The following LNPEP variants were observed in gnomAD, a reference collection of about 807,000 sequenced individuals.
LNPEP encodes the protein leucyl-cystinyl aminopeptidase.
Under a neutral mutation model 120.6 loss-of-function variants are expected in LNPEP, and 64 were observed. The observed-to-expected ratio is 0.53, with a 90% CI of 0.43 to 0.65. The LOEUF is 0.65. Among genes scored for constraint, LNPEP ranks in the 30% least tolerant of loss-of-function variants. The pLI is 0.00. For synonymous variants in LNPEP, 435 were observed against 425.4 expected (o/e 1.02, Z -0.28); for missense variants, 1,057 against 1,200.0 (o/e 0.88, Z 1.76).
In LNPEP at chr5:96,936,162, C is replaced by T. The variant is rs1421497599; in HGVS notation, c.7C>T (p.Pro3Ser). The T allele has an allele frequency of 1.3e-6, 2 of 1,494,834 alleles. No homozygotes were observed. The highest frequency in any genetic ancestry group is 1.8e-6 in the Non-Finnish European group (2 of 1,123,562). 92.6% of individuals were successfully genotyped at this position (1,494,834 alleles called of 1,614,324 possible). Reference sequence around the variant, plus strand: ...GAGCCGCGGCGGGGGGAAAATGGAGCCCTTCACCAATGGTGAGTGGGCTGC... The same window carrying T: ...GAGCCGCGGCGGGGGGAAAATGGAGTCCTTCACCAATGGTGAGTGGGCTGC... MEPFTNDRLQLPR... is the reference protein window; with the variant it reads MESFTNDRLQLPR... The change falls in exon 1 of 18, where the codon CCC becomes TCC. Residue 3 changes from proline (P) to serine (S), a missense_variant. Pro to Ser is a moderately conservative substitution (Grantham distance 74, BLOSUM62 -1). Coordinates refer to ENST00000231368, the MANE Select transcript of LNPEP (RefSeq NM_005575.3).
At chr5:96,958,703 CT>C in intron 1 of LNPEP, 1 of 161,924 alleles carries the variant, frequency 6.2e-6, no homozygotes, top group Non-Finnish European at 1.3e-5. Flanking sequence ...ATTTCCTGCA[CT>C]TTTTTGGCTT....
At chr5:97,010,339 A>G (rs1367168161) in intron 11 of LNPEP, 1 of 982,428 alleles carries the variant, frequency 1.0e-6, no homozygotes, top group Non-Finnish European at 1.2e-6. Context: ...AGTTAAAGAT[A>G]TGTCATTGGA....
At chr5:96,977,681 T>C (rs1790032647) in intron 1 of LNPEP, among the ~76,000 whole-genome samples, 1 of 152,176 alleles carries the variant, frequency 6.6e-6, no homozygotes, top group Non-Finnish European at 1.5e-5. Context: ...ATAATATGTT[T>C]TATGGATGAA....
At position 97,028,445 on chromosome 5, in the gene LNPEP, T is replaced by C; in HGVS notation, c.2990T>C (p.Leu997Pro). 2 of 1,613,976 alleles carry C rather than the reference T, an allele frequency of 1.2e-6. No individual in the cohort carries two copies. Among genetic ancestry groups the C allele is most frequent in the South Asian group, 2.2e-5 (2 of 91,088 alleles). Residue 997 changes from leucine (L) to proline (P), a missense_variant, in exon 18 of 18, where the codon CTT becomes CCT. Coordinates refer to ENST00000231368, the MANE Select transcript of LNPEP (RefSeq NM_005575.3). ...AATCAGTCAGAGGCAACCTTCCGGC[T>C]TCGTTGTGTCCAGGAGGCTTTGGAA... ...FENQSEATFRLRCVQEALEVI... is the reference protein window; with the variant it reads ...FENQSEATFRPRCVQEALEVI...
Position 96,993,003 on chromosome 5 carries a change from GT to G in LNPEP, c.1132-8del. ...TACCTGTCCTTGCATCATACATAAT[GT>G]TTTCCTTTAGGTTTCTATATATGCT... On this transcript the variant is annotated splice_polypyrimidine_tract_variant and intron_variant, in intron 4 of 17. Transcript: ENST00000231368. The G allele has an allele frequency of 6.4e-7, 1 of 1,566,520 alleles. No homozygotes were observed. Among genetic ancestry groups the G allele is most frequent in the African/African-American group, 1.4e-5 (1 of 72,826 alleles).
chr5:96,986,725 C>T (rs1790253343), intron 4 of LNPEP, 55 bp downstream of exon 4: 5 of 1,534,496 alleles, frequency 3.3e-6, no homozygotes, highest in Non-Finnish European at 4.5e-6. Context: ...CTCAGAGGAC[C>T]TCTTGCTTTA....
In LNPEP at chr5:96,986,478, T is replaced by C. The variant is rs1008004621; in HGVS notation, c.1000-61T>C. ...CTATTTGAATTTTCAGTTTCTCAGT[T>C]TGTTTGTTATTGCCATTTATTCCTA... On this transcript the variant is annotated intron_variant, in intron 3 of 17. Coordinates refer to ENST00000231368, the MANE Select transcript of LNPEP (RefSeq NM_005575.3). The C allele has an allele frequency of 4.7e-6, 7 of 1,494,676 alleles. No individual in the cohort carries two copies. In the East Asian group the frequency reaches 1.6e-4, roughly 34 times the overall value. 92.6% of individuals were successfully genotyped at this position (1,494,676 alleles called of 1,614,324 possible).
intron 1 of LNPEP, among the ~76,000 whole-genome samples, chr5:96,967,262 A>G (rs1789750136): frequency 6.6e-6 from 1 of 152,042 alleles, no homozygotes; most frequent in Admixed American, 6.6e-5. Context: ...ACACAGTAAA[A>G]CTCAACGTAC....
chr5:96,952,724 A>AT (rs1409275112), intron 1 of LNPEP, among the ~76,000 whole-genome samples: 14 of 151,980 alleles, frequency 9.2e-5, no homozygotes, highest in Admixed American at 8.5e-4. Context: ...TTTTATCCCC[A>AT]TTTTTTTTGT....
chr5:96,954,745 T>TATATACACAC (rs1461179333), intron 1 of LNPEP, among the ~76,000 whole-genome samples: 1 of 47,904 alleles, frequency 2.1e-5, no homozygotes, highest in Non-Finnish European at 4.7e-5. Context: ...CATATATATA[T>TATATACACAC]ACACATATAT....
intron 1 of LNPEP, among the ~76,000 whole-genome samples, chr5:96,965,502 A>T (rs1003128112): frequency 6.6e-6 from 1 of 152,246 alleles, no homozygotes; most frequent in African/African-American, 2.4e-5. Context: ...TCTGATACAT[A>T]ACTCAGTTTT....
intron 1 of LNPEP, among the ~76,000 whole-genome samples, chr5:96,966,511 TGTGTGTGTGTG>T (rs1789727029): frequency 7.6e-5 from 1 of 13,214 alleles, no homozygotes; most frequent in African/African-American, 1.3e-4. Flanking sequence ...CATATATTTG[TGTGTGTGTGTG>T]TGTGTGTGTG....
chr5:96,986,703 T>C, intron 4 of LNPEP, 33 bp downstream of exon 4: 1 of 1,609,228 alleles, frequency 6.2e-7, no homozygotes, highest in Non-Finnish European at 8.5e-7. Context: ...TGAAAGCCTG[T>C]GTCACAAGAG....
intron 6 of LNPEP, among the ~76,000 whole-genome samples, chr5:96,995,534 T>C (rs940165227): frequency 2.0e-5 from 3 of 152,074 alleles, no homozygotes; most frequent in African/African-American, 7.2e-5. Context: ...ATCTTTTTTT[T>C]TTTGTTTTTA....
rs916768461 is a variant in LNPEP, at chr5:96,952,342, G to T, written c.19+16168G>T. ...TGTACACTCATGAGAGAAGTGGAGT[G>T]AAAATGGCATATAACATATTATGAT... On this transcript the variant is annotated intron_variant, in intron 1 of 17. Coordinates refer to ENST00000231368, the MANE Select transcript of LNPEP (RefSeq NM_005575.3). Among the ~76,000 whole-genome samples, 10 of 152,322 alleles carry T rather than the reference G, an allele frequency of 6.6e-5. No individual in the cohort carries two copies. The South Asian group carries it at 2.1e-3, about 32-fold the overall frequency.
At position 96,993,218 on chromosome 5, in the gene LNPEP, C is replaced by T. The variant is rs145101034; in HGVS notation, c.1252+83C>T. ...TGAATTTTTTTAGAAAGAGGTTCTG[C>T]CCAAGTTGTTTGCAGAGAAAACCAA... On this transcript the variant is annotated intron_variant, in intron 5 of 17. Transcript: ENST00000231368. 912 of 1,055,892 alleles carry T rather than the reference C, an allele frequency of 8.6e-4. 11 individuals carry two copies. The Admixed American group carries it at 0.016, about 18-fold the overall frequency. 65.4% of individuals were successfully genotyped at this position (1,055,892 alleles called of 1,614,324 possible).
At chr5:97,023,146 T>C (rs72775881) in intron 14 of LNPEP, among the ~76,000 whole-genome samples, 2 of 152,166 alleles carry the variant, frequency 1.3e-5, no homozygotes, top group African/African-American at 4.8e-5. Flanking sequence ...ATATCTCATA[T>C]AAGTAAAGTC....
chr5:97,013,904 A>C, intron 12 of LNPEP, 73 bp downstream of exon 12: 3 of 1,126,972 alleles, frequency 2.7e-6, no homozygotes, highest in Non-Finnish European at 3.8e-6. Flanking sequence ...ATATATGAAA[A>C]ACAGTTTGAA....
intron 1 of LNPEP, among the ~76,000 whole-genome samples, chr5:96,967,131 A>G (rs1330052787): frequency 6.6e-6 from 1 of 152,158 alleles, no homozygotes; most frequent in Non-Finnish European, 1.5e-5. Flanking sequence ...ATTTTAAGTC[A>G]TCTGACTTCT....
Sources: allele counts gnomAD v4.1 joint callset (sites outside exome capture counted in the v4.1 genomes callset), GRCh38; gene constraint gnomAD v4.1.1; transcripts MANE v1.5; gene names NCBI Gene and HGNC (gene_info 2026-07-23, HGNC 2026-07-21).